The following TBCD variants were observed in gnomAD, a reference collection of about 807,000 sequenced individuals.
TBCD encodes tubulin folding cofactor D.
TBCD carries 105 observed loss-of-function variants against 169.3 expected under a neutral mutation model. The observed-to-expected ratio is 0.62, with a 90% CI of 0.53 to 0.73. The LOEUF is 0.73. TBCD is among the 30% of genes least tolerant of loss of function. The pLI is 0.00. For synonymous variants in TBCD, 700 were observed against 643.9 expected (o/e 1.09, Z -1.32); for missense variants, 1,444 against 1,600.1 (o/e 0.90, Z 1.66).
At chr17:82,927,067 G>A in intron 28 of TBCD, 119 bp from the exon 29 acceptor site, 1 of 1,401,014 alleles carries the variant, frequency 7.1e-7, no homozygotes, top group Non-Finnish European at 9.7e-7. Flanking sequence ...ATCTACCCGA[G>A]GGTCCTGGAC....
At chr17:82,793,048 C>G (rs1221457390) in intron 7 of TBCD, among the ~76,000 whole-genome samples, 6 of 152,172 alleles carry the variant, frequency 3.9e-5, no homozygotes, top group African/African-American at 7.2e-5. Flanking sequence ...TAGGTGTGAG[C>G]CACTACACCC....
intron 6 of TBCD, among the ~76,000 whole-genome samples, chr17:82,774,662 C>G (rs912194937): frequency 6.6e-6 from 1 of 152,256 alleles, no homozygotes; most frequent in South Asian, 2.1e-4. Context: ...GACGGAGCGG[C>G]GGCCGGGCGG....
At chr17:82,932,966 C>A in intron 34 of TBCD, 2 of 542,588 alleles carry the variant, frequency 3.7e-6, no homozygotes, top group South Asian at 2.0e-5. Flanking sequence ...TCAGCCCCAT[C>A]TGGGGCTGAG....
chr17:82,838,666 C>G (rs1002103012), intron 13 of TBCD: 1 of 985,474 alleles, frequency 1.0e-6, no homozygotes, highest in Non-Finnish European at 1.2e-6. Flanking sequence ...TTGACTGCCA[C>G]TCCCTCCCAG....
intron 15 of TBCD, among the ~76,000 whole-genome samples, chr17:82,887,168 T>TGTGTGTGTGTGTGCGCGCGCGCGCGCGC: frequency 4.8e-5 from 6 of 126,100 alleles, no homozygotes; most frequent in Non-Finnish European, 1.0e-4. Flanking sequence ...TGTGTGTGTG[T>TGTGTGTGTGTGTGCGCGCGCGCGCGCGC]GCGCGCGCGC....
rs1308200616 is a variant in TBCD at position 82,801,583 on chromosome 17, C to T, written c.950+587C>T. The stretch of plus-strand genomic sequence containing the variant: ...AGGCTGGCGTGTGCGTCGTGTGGCT[C>T]GGTCAGCGTGGCAGGAGGGTGGCGT... On this transcript the variant is annotated intron_variant, in intron 9 of 38. Coordinates refer to ENST00000355528, the MANE Select transcript of TBCD (RefSeq NM_005993.5). 4.4e-5 allele frequency among the ~76,000 whole-genome samples: 5 copies of T among 114,050 alleles called. No individual in the cohort carries two copies. In the South Asian group the frequency reaches 9.3e-4, roughly 21 times the overall value. The allele number at this position is 114,050 out of a possible 152,430, so 74.8% of individuals were successfully genotyped here. A position where few individuals can be genotyped will look rare whatever the true frequency, so the allele number is the denominator to read the frequency against.
At chr17:82,822,959 G>A (rs1414202966) in intron 13 of TBCD, among the ~76,000 whole-genome samples, 1 of 152,198 alleles carries the variant, frequency 6.6e-6, no homozygotes, top group Non-Finnish European at 1.5e-5. Flanking sequence ...TGGAGAAAAG[G>A]GGAGGAAGCA....
chr17:82,827,558 A>C (rs917013151), intron 13 of TBCD, among the ~76,000 whole-genome samples: 2 of 152,186 alleles, frequency 1.3e-5, no homozygotes, highest in African/African-American at 4.8e-5. Flanking sequence ...CACTGCTTTA[A>C]ACCCATGTGC....
At chr17:82,817,013 TA>T (rs776673392) in intron 13 of TBCD, among the ~76,000 whole-genome samples, 5 of 152,226 alleles carry the variant, frequency 3.3e-5, no homozygotes, top group Non-Finnish European at 5.9e-5. Flanking sequence ...TTTACTCATT[TA>T]AAAAAATATT....
rs2061399239 is a variant in TBCD at position 82,921,144 on chromosome 17, G to A, written c.2102-357G>A. ...AATAGCCTTCACATTTGTTGCTTGT[G>A]CAGGATCTAATTGAGTTAAAGATTT... On this transcript the variant is annotated intron_variant, in intron 24 of 38. Transcript: ENST00000355528. 1.2e-5 allele frequency: 4 copies of A among 325,386 alleles called. No individual in the cohort carries two copies. The Admixed American group carries it at 1.8e-4, about 15-fold the overall frequency. 20.2% of individuals were successfully genotyped at this position (325,386 alleles called of 1,614,324 possible). A position where few individuals can be genotyped will look rare whatever the true frequency, so the allele number is the denominator to read the frequency against.
intron 13 of TBCD, among the ~76,000 whole-genome samples, chr17:82,851,179 C>T (rs548384425): frequency 6.6e-6 from 1 of 151,954 alleles, no homozygotes; most frequent in Non-Finnish European, 1.5e-5. Flanking sequence ...AAACTGGATA[C>T]AGAATAATAA....
chr17:82,906,365 A>T (rs977266851), intron 20 of TBCD, among the ~76,000 whole-genome samples: 1 of 152,244 alleles, frequency 6.6e-6, no homozygotes, highest in Non-Finnish European at 1.5e-5. Context: ...CAGAGGTGAC[A>T]AGCGAGGTCA....
chr17:82,772,664 T>C (rs1839055879), intron 6 of TBCD, among the ~76,000 whole-genome samples, 157 bp downstream of exon 6: 1 of 152,174 alleles, frequency 6.6e-6, no homozygotes, highest in South Asian at 2.1e-4. Context: ...GCAGCAGTGT[T>C]TGGGCACAGA....
rs566828304 is a variant in TBCD at position 82,789,197 on chromosome 17, G to C, written c.771+7476G>C. Among the ~76,000 whole-genome samples the C allele has an allele frequency of 7.2e-5, 11 of 152,158 alleles. No homozygotes were observed. The highest frequency in any genetic ancestry group is 1.5e-4 in the Non-Finnish European group (10 of 68,032). ...CAGGCCACGCTGGTTCGGTCTCCTCGTGGCGTTAAGGAAAGACCTGGAGCA... is the reference window on the plus strand; with the variant it reads ...CAGGCCACGCTGGTTCGGTCTCCTCCTGGCGTTAAGGAAAGACCTGGAGCA... On this transcript the variant is annotated intron_variant, in intron 7 of 38. Coordinates refer to ENST00000355528, the MANE Select transcript of TBCD (RefSeq NM_005993.5). The surrounding 1 kb of genome is among the most constrained non-coding windows in gnomAD (Gnocchi z 4.8).
intron 13 of TBCD, among the ~76,000 whole-genome samples, chr17:82,850,036 T>TTGGCTGTGCTGCTGTTGGCTGTGCTGC (rs2055562759): frequency 4.8e-5 from 1 of 20,888 alleles, no homozygotes; most frequent in African/African-American, 1.6e-4. Context: ...GGCTGTGCTG[T>TTGGCTGTGCTGCTGTTGGCTGTGCTGC]TGTTGGCTGT....
In TBCD at chr17:82,903,645, C is replaced by T. The variant is rs1458161242; in HGVS notation, c.1804+167C>T. On this transcript the variant is annotated intron_variant, in intron 19 of 38. Transcript: ENST00000355528. This position sits in a 1 kb window ranked among gnomAD's most constrained non-coding sequence, Gnocchi z 4.8. ...TTGATCAGTGGATAGGCTGTGAGGA[C>T]GGATGCGGTGAGTGTGTCCGCCTGC... Among the ~76,000 whole-genome samples the T allele has an allele frequency of 6.6e-6, 1 of 152,200 alleles. No homozygotes were observed. Among genetic ancestry groups the T allele is most frequent in the African/African-American group, 2.4e-5 (1 of 41,446 alleles).
chr17:82,887,168 T>TGTGCGCGCGCGCGCGC, intron 15 of TBCD, among the ~76,000 whole-genome samples: 38 of 126,188 alleles, frequency 3.0e-4, no homozygotes, highest in Non-Finnish European at 4.8e-4. Flanking sequence ...TGTGTGTGTG[T>TGTGCGCGCGCGCGCGC]GCGCGCGCGC....
intron 15 of TBCD, among the ~76,000 whole-genome samples, chr17:82,885,340 C>G (rs1379036498): frequency 6.6e-6 from 1 of 152,160 alleles, no homozygotes; most frequent in East Asian, 1.9e-4. Context: ...AGATGATACC[C>G]TGAAGTCTTT....
At chr17:82,818,818 G>A (rs2052155676) in intron 13 of TBCD, among the ~76,000 whole-genome samples, 2 of 152,232 alleles carry the variant, frequency 1.3e-5, no homozygotes, top group African/African-American at 4.8e-5. Context: ...TATAATCCCA[G>A]CACTTTGGGA....
Sources: gnomAD v4.1 joint callset for allele counts (sites outside exome capture counted in the v4.1 genomes callset) on GRCh38, gnomAD v4.1.1 for gene constraint, Gnocchi (gnomAD v3.1) non-coding constraint, MANE v1.5 for transcripts, NCBI Gene and HGNC (gene_info 2026-07-23, HGNC 2026-07-21) for gene names.